The following EMC2 variants were observed in gnomAD, a reference collection of about 807,000 sequenced individuals.
EMC2 encodes TPR repeat protein 35.
A neutral mutation model predicts 51.6 loss-of-function variants in EMC2; 37 were observed. That is an observed-to-expected ratio of 0.72 (90% CI 0.55 to 0.94). The LOEUF (loss-of-function observed/expected upper bound fraction) is 0.94, where lower values mean the gene tolerates loss of function less well. Among genes scored for constraint, EMC2 ranks in the 40% least tolerant of loss-of-function variants. EMC2 has a pLI of 0.00. For missense variants in EMC2, 359 were observed against 350.9 expected (o/e 1.02, Z -0.18); for synonymous variants, 131 against 112.4 (o/e 1.17, Z -1.04).
Position 108,488,563 on chromosome 8 carries a change from G to A in EMC2, c.*1965G>A, listed in dbSNP as rs1182283956. ...GTTATTTATAAACTTCAACTTAAAT[G>A]TACTGATAATCCCATTACAGCAGGC... On this transcript the variant is annotated 3_prime_UTR_variant, in exon 11 of 11. Transcript: ENST00000220853. 6.6e-6 allele frequency among the ~76,000 whole-genome samples: 1 copy of A among 152,124 alleles called. No homozygotes were observed. The highest frequency in any genetic ancestry group is 1.5e-5 in the Non-Finnish European group (1 of 68,010).
chr8:108,471,529 T>G (rs1176208521), intron 7 of EMC2, among the ~76,000 whole-genome samples: 2 of 151,848 alleles, frequency 1.3e-5, no homozygotes. Flanking sequence ...TTTGTTTGGT[T>G]TTTGTCCTTC....
intron 5 of EMC2, 49 bp downstream of exon 5, chr8:108,455,979 A>G (rs1320969587): frequency 1.3e-6 from 1 of 779,762 alleles, no homozygotes; most frequent in Non-Finnish European, 1.9e-6. Context: ...AATTTAAAAG[A>G]TAAAATTAAT....
chr8:108,464,471 G>A (rs1386559744), intron 5 of EMC2, among the ~76,000 whole-genome samples: 1 of 152,172 alleles, frequency 6.6e-6, no homozygotes, highest in African/African-American at 2.4e-5. Flanking sequence ...AATTCTGGGT[G>A]GGGATGATGT....
Position 108,451,423 on chromosome 8 carries a change from C to A in EMC2, c.219+931C>A, listed in dbSNP as rs1002693943. Among the ~76,000 whole-genome samples the A allele has an allele frequency of 1.3e-4, 19 of 151,904 alleles. No homozygotes were observed. The South Asian group carries it at 3.5e-3, about 28-fold the overall frequency. On this transcript the variant is annotated intron_variant, in intron 3 of 10. Coordinates refer to ENST00000220853, the MANE Select transcript of EMC2 (RefSeq NM_014673.5). The stretch of plus-strand genomic sequence containing the variant: ...GCAGAGGCATCTGTTAATGTTGTTC[C>A]TATCATCTTGAATTCTTAAGTACCG...
At chr8:108,470,373 A>T (rs952988062) in intron 7 of EMC2, among the ~76,000 whole-genome samples, 1 of 152,186 alleles carries the variant, frequency 6.6e-6, no homozygotes, top group African/African-American at 2.4e-5. Flanking sequence ...TTTTCTTTCA[A>T]ATATAGATGG....
intron 1 of EMC2, 94 bp downstream of exon 1, chr8:108,443,792 G>T (rs75121144): frequency 0.012 from 13,713 of 1,109,450 alleles, 117 homozygotes; most frequent in Non-Finnish European, 0.015. Context: ...GTTCTCTGGT[G>T]TCTTTTTGGT....
At chr8:108,475,818 A>G (rs1196254120) in intron 7 of EMC2, 64 bp from the exon 8 acceptor site, 5 of 851,756 alleles carry the variant, frequency 5.9e-6, no homozygotes, top group Admixed American at 2.4e-5. Flanking sequence ...AATTATTTCA[A>G]GGTTTAACTA....
At chr8:108,478,721 A>T (rs932170545) in intron 9 of EMC2, among the ~76,000 whole-genome samples, 2 of 151,876 alleles carry the variant, frequency 1.3e-5, no homozygotes, top group African/African-American at 2.4e-5. Flanking sequence ...TATTTAAATG[A>T]TATGGAATTT....
At chr8:108,466,909 C>T (rs1197392578) in intron 5 of EMC2, among the ~76,000 whole-genome samples, 1 of 151,978 alleles carries the variant, frequency 6.6e-6, no homozygotes, top group Non-Finnish European at 1.5e-5. Flanking sequence ...ACTCTTTATT[C>T]ACAGTTAGAC....
At chr8:108,465,496 C>T (rs752100984) in intron 5 of EMC2, among the ~76,000 whole-genome samples, 2 of 152,160 alleles carry the variant, frequency 1.3e-5, no homozygotes, top group African/African-American at 4.8e-5. Flanking sequence ...CTTATGTATT[C>T]GATGCTCTTT....
chr8:108,462,830 G>A lies in EMC2; in HGVS notation c.363+6900G>A, dbSNP rs1819363564. Among the ~76,000 whole-genome samples the A allele has an allele frequency of 2.0e-5, 3 of 151,330 alleles. No homozygotes were observed. The South Asian group carries it at 6.3e-4, about 32-fold the overall frequency. The stretch of plus-strand genomic sequence containing the variant: ...CGGCTCATTGCAAGCTCTGTGCCGG[G>A]ATTACAGGAGTGAGAACATCTTTTA... On this transcript the variant is annotated intron_variant, in intron 5 of 10. Coordinates refer to ENST00000220853, the MANE Select transcript of EMC2 (RefSeq NM_014673.5).
chr8:108,455,709 T>C (rs1191533042), intron 4 of EMC2, among the ~76,000 whole-genome samples, 164 bp from the exon 5 acceptor site: 4 of 152,208 alleles, frequency 2.6e-5, no homozygotes, highest in South Asian at 2.1e-4. Context: ...TTTACTGTTA[T>C]ATGAAGATGG....
In EMC2 at chr8:108,475,886, G is replaced by A. The variant is rs773250373; in HGVS notation, c.514G>A (p.Ala172Thr). The change falls in exon 8 of 11, where the codon GCA becomes ACA. Residue 172 changes from alanine (A) to threonine (T), a missense_variant. Ala to Thr is a moderately conservative substitution (Grantham distance 58, BLOSUM62 0). Coordinates refer to ENST00000220853, the MANE Select transcript of EMC2 (RefSeq NM_014673.5). The stretch of plus-strand genomic sequence containing the variant: ...CTCCTCTTGATGTGTTTTTAGCTAT[G>A]CAAAAGCAGCCTTTTGTTTAGAGGA... ...AELYINEHDY[A>T]KAAFCLEELM... 1 of 1,584,094 alleles carries A rather than the reference G, an allele frequency of 6.3e-7. No homozygotes were observed. The highest frequency in any genetic ancestry group is 1.1e-5 in the South Asian group (1 of 88,360).
chr8:108,448,612 A>G (rs374237614), intron 1 of EMC2, among the ~76,000 whole-genome samples: 1 of 152,034 alleles, frequency 6.6e-6, no homozygotes, highest in Non-Finnish European at 1.5e-5. Context: ...GTCTTCTGCC[A>G]TCATTGTGAG....
intron 4 of EMC2, 97 bp from the exon 5 acceptor site, chr8:108,455,775 TA>T: frequency 4.1e-6 from 2 of 488,754 alleles, no homozygotes; most frequent in South Asian, 5.5e-5. Flanking sequence ...GCATTTAAAT[TA>T]AAATATTAAA....
rs5893921 is a variant in EMC2, at chr8:108,488,166, C to CTT, written c.*1585_*1586dup. Among the ~76,000 whole-genome samples, 21 of 127,682 alleles carry CTT rather than the reference C, an allele frequency of 1.6e-4. No homozygotes were observed. The highest frequency in any genetic ancestry group is 3.6e-4 in the African/African-American group (12 of 33,690). 83.8% of individuals were successfully genotyped at this position (127,682 alleles called of 152,430 possible). ...CTTATAGCTGTCTGCCTTAGTTTCA[C>CTT]TTTTTTTTTTTTTTTTTTGAGACAG... is the stretch of plus-strand genomic sequence containing the variant. On this transcript the variant is annotated 3_prime_UTR_variant, in exon 11 of 11. Coordinates refer to ENST00000220853, the MANE Select transcript of EMC2 (RefSeq NM_014673.5).
intron 1 of EMC2, among the ~76,000 whole-genome samples, chr8:108,445,658 A>G (rs568785784): frequency 6.6e-6 from 1 of 152,162 alleles, no homozygotes; most frequent in Admixed American, 6.5e-5. Flanking sequence ...TCCTTCGATT[A>G]TGTATTCTAT....
rs546066590 is a variant in EMC2 at position 108,458,216 on chromosome 8, C to G, written c.363+2286C>G. Among the ~76,000 whole-genome samples the G allele has an allele frequency of 1.1e-4, 17 of 152,334 alleles. 1 individual carries two copies. Among genetic ancestry groups the G allele is most frequent in the South Asian group, 1.0e-3 (5 of 4,834 alleles). On this transcript the variant is annotated intron_variant, in intron 5 of 10. Transcript: ENST00000220853. ...GCAGGGTACATCCTCTGGATGCTTTCACAGGCTGGTGTTGAGTGTCTTTAG... is the reference window on the plus strand; with the variant it reads ...GCAGGGTACATCCTCTGGATGCTTTGACAGGCTGGTGTTGAGTGTCTTTAG...
chr8:108,452,481 C>CGCTTGAACCCAGG, intron 3 of EMC2, among the ~76,000 whole-genome samples: 1 of 152,164 alleles, frequency 6.6e-6, no homozygotes, highest in South Asian at 2.1e-4. Flanking sequence ...GCAGGAGAAT[C>CGCTTGAACCCAGG]GCTTGAACCC....
Sources: gnomAD v4.1 joint callset for allele counts (sites outside exome capture counted in the v4.1 genomes callset) on GRCh38, gnomAD v4.1.1 for gene constraint, MANE v1.5 for transcripts, NCBI Gene and HGNC (gene_info 2026-07-23, HGNC 2026-07-21) for gene names.